Variants in PPP1R9A observed in about 807,000 individuals in gnomAD.
PPP1R9A encodes neurabin-1.
Under a neutral mutation model 141.9 loss-of-function variants are expected in PPP1R9A, and 59 were observed. That is an observed-to-expected ratio of 0.42 (90% CI 0.34 to 0.52). The LOEUF is 0.52. Ranked by LOEUF, PPP1R9A falls within the 20% of genes least tolerant of loss-of-function variation. PPP1R9A has a pLI of 0.10. For missense variants in PPP1R9A, 1,444 were observed against 1,611.9 expected, an observed-to-expected ratio of 0.90 and a Z score of 1.78; for synonymous variants, 500 against 569.7, an observed-to-expected ratio of 0.88 and a Z score of 1.74.
At chr7:95,072,578 A>T (rs549920232) in intron 2 of PPP1R9A, among the ~76,000 whole-genome samples, 1 of 135,576 alleles carries the variant, frequency 7.4e-6, no homozygotes, top group African/African-American at 2.7e-5. Context: ...ATATCTCATT[A>T]TAGGAAATTT....
intron 2 of PPP1R9A, among the ~76,000 whole-genome samples, chr7:94,946,933 A>T (rs2150994380): frequency 6.6e-6 from 1 of 152,260 alleles, no homozygotes; most frequent in East Asian, 1.9e-4. Context: ...GTCCTACCTC[A>T]GAGAACTGTG....
At chr7:95,209,261 T>C (rs1386931071) in intron 7 of PPP1R9A, among the ~76,000 whole-genome samples, 1 of 152,188 alleles carries the variant, frequency 6.6e-6, no homozygotes, top group Non-Finnish European at 1.5e-5. Context: ...TATGACATAG[T>C]TCCTGCTCTC....
At chr7:94,938,025 A>G (rs1794948464) in intron 2 of PPP1R9A, among the ~76,000 whole-genome samples, 1 of 152,158 alleles carries the variant, frequency 6.6e-6, no homozygotes, top group Non-Finnish European at 1.5e-5. Context: ...AGTTTTCTAT[A>G]TCAGTGGGGT....
rs558320341 is a variant in PPP1R9A, at chr7:94,978,721, A to G, written c.1395+67213A>G. Among the ~76,000 whole-genome samples the G allele has an allele frequency of 3.9e-5, 6 of 152,318 alleles. No individual in the cohort carries two copies. In the East Asian group the frequency reaches 1.2e-3, roughly 29 times the overall value. On this transcript the variant is annotated intron_variant, in intron 2 of 19. Transcript: ENST00000433360. ...TTTCAACTTTTCAACATTTCTGAAAATTCTAGACTGATTTATTTTCCAGAA... is the reference window on the plus strand; with the variant it reads ...TTTCAACTTTTCAACATTTCTGAAAGTTCTAGACTGATTTATTTTCCAGAA...
chr7:95,075,680 A>T (rs1306944573), intron 2 of PPP1R9A, among the ~76,000 whole-genome samples: 5 of 151,900 alleles, frequency 3.3e-5, no homozygotes, highest in Admixed American at 1.3e-4. Flanking sequence ...CTAAAAATAC[A>T]AAAAAAATTA....
At chr7:94,975,356 G>GTTTT (rs68186534) in intron 2 of PPP1R9A, among the ~76,000 whole-genome samples, 7 of 120,714 alleles carry the variant, frequency 5.8e-5, no homozygotes, top group Admixed American at 8.6e-5. Flanking sequence ...GTTTTTTTTT[G>GTTTT]TTTTTTTTTT....
chr7:95,240,897 G>A (rs766534013), intron 8 of PPP1R9A, among the ~76,000 whole-genome samples: 3 of 151,816 alleles, frequency 2.0e-5, no homozygotes, highest in Non-Finnish European at 4.4e-5. Flanking sequence ...ATAGACCTAA[G>A]GTGACCTGTT....
At chr7:95,010,586 G>A (rs1804276275) in intron 2 of PPP1R9A, among the ~76,000 whole-genome samples, 1 of 151,994 alleles carries the variant, frequency 6.6e-6, no homozygotes, top group Admixed American at 6.6e-5. Context: ...GAATTTAGTC[G>A]AAGTCTGTGT....
At chr7:95,040,439 G>T (rs371222482) in intron 2 of PPP1R9A, among the ~76,000 whole-genome samples, 31 of 151,744 alleles carry the variant, frequency 2.0e-4, no homozygotes, top group African/African-American at 7.0e-4. Flanking sequence ...CATCCTTTGA[G>T]ACCAGCCTGG....
chr7:95,044,828 C>T (rs1809777007), intron 2 of PPP1R9A, among the ~76,000 whole-genome samples: 1 of 151,542 alleles, frequency 6.6e-6, no homozygotes, highest in African/African-American at 2.4e-5. Context: ...CCTCCTCAGC[C>T]TCTCAAAGTG....
Position 95,267,695 on chromosome 7 carries a change from G to A in PPP1R9A, c.2666-855G>A, listed in dbSNP as rs1184998923. ...CCCACTTTACTCTCTTTTTCTTTTA[G>A]CCTTTTTATTTAAAGACTTAAGTAT... is the stretch of plus-strand genomic sequence containing the variant. On this transcript the variant is annotated intron_variant, in intron 12 of 19. Transcript: ENST00000433360. Among the ~76,000 whole-genome samples, 7 of 151,850 alleles carry A rather than the reference G, an allele frequency of 4.6e-5. No homozygotes were observed. The East Asian group carries it at 5.8e-4, about 13-fold the overall frequency.
chr7:95,070,593 G>GTATATATATATATA (rs71961632), intron 2 of PPP1R9A, among the ~76,000 whole-genome samples: 3,375 of 111,830 alleles, frequency 0.03, 204 homozygotes, highest in Non-Finnish European at 0.044. Flanking sequence ...TAAATCTCTG[G>GTATATATATATATA]TATATATATA....
intron 3 of PPP1R9A, among the ~76,000 whole-genome samples, chr7:95,116,346 A>G (rs571317141): frequency 2.6e-5 from 4 of 152,138 alleles, no homozygotes; most frequent in Non-Finnish European, 5.9e-5. Flanking sequence ...TAGAAAACCA[A>G]ATTGATTCAA....
intron 2 of PPP1R9A, among the ~76,000 whole-genome samples, chr7:94,925,956 G>T (rs189276207): frequency 4.6e-5 from 7 of 152,174 alleles, no homozygotes; most frequent in African/African-American, 1.7e-4. Context: ...CTCTTGAGTA[G>T]CTGGGATTAC....
chr7:95,162,987 T>C (rs1830659156), intron 5 of PPP1R9A, among the ~76,000 whole-genome samples: 1 of 152,188 alleles, frequency 6.6e-6, no homozygotes, highest in African/African-American at 2.4e-5. Flanking sequence ...ATTGCAAAAC[T>C]GTGTGGTGCT....
chr7:95,044,305 G>A (rs1022092885), intron 2 of PPP1R9A, among the ~76,000 whole-genome samples: 3 of 151,976 alleles, frequency 2.0e-5, no homozygotes, highest in African/African-American at 7.3e-5. Flanking sequence ...TACCTTAACT[G>A]TGGCTCTTTA....
At chr7:95,275,739 T>A (rs1257207234) in intron 16 of PPP1R9A, among the ~76,000 whole-genome samples, 1 of 152,250 alleles carries the variant, frequency 6.6e-6, no homozygotes, top group Non-Finnish European at 1.5e-5. Context: ...CTGTTTACTT[T>A]TCTTTTTTCT....
chr7:95,153,821 A>T (rs1446765027), intron 4 of PPP1R9A, among the ~76,000 whole-genome samples: 2 of 152,148 alleles, frequency 1.3e-5, no homozygotes, highest in African/African-American at 4.8e-5. Flanking sequence ...ATTACTTATT[A>T]TTGATCTGTT....
intron 2 of PPP1R9A, among the ~76,000 whole-genome samples, chr7:94,994,131 T>TC (rs1801859836): frequency 6.6e-6 from 1 of 152,140 alleles, no homozygotes; most frequent in Non-Finnish European, 1.5e-5. Flanking sequence ...ATTTTTTTTT[T>TC]CATAGGTGCG....
Sources: gnomAD v4.1 joint callset for allele counts (sites outside exome capture counted in the v4.1 genomes callset) on GRCh38, gnomAD v4.1.1 for gene constraint, MANE v1.5 for transcripts, NCBI Gene and HGNC (gene_info 2026-07-23, HGNC 2026-07-21) for gene names.